The following TCF4 variants were observed in gnomAD, a reference collection of about 807,000 sequenced individuals.
TCF4 encodes the protein SL3-3 enhancer factor 2.
In TCF4, 3 loss-of-function variants were observed where a neutral mutation model predicts 82.1. That is an observed-to-expected ratio of 0.04 (90% CI 0.02 to 0.09). The LOEUF is 0.09. Among genes scored for constraint, TCF4 ranks in the 10% least tolerant of loss-of-function variants. The pLI, the probability that TCF4 is intolerant of heterozygous loss-of-function variation, is 1.00. For missense variants in TCF4, 518 were observed against 852.7 expected, an observed-to-expected ratio of 0.61 and a Z score of 4.89; for synonymous variants, 276 against 309.6, an observed-to-expected ratio of 0.89 and a Z score of 1.14.
intron 5 of TCF4, chr18:55,452,656 G>C (rs1280739819): frequency 6.6e-6 from 1 of 152,406 alleles, no homozygotes; most frequent in Non-Finnish European, 1.5e-5. Flanking sequence ...CCCTGGACAG[G>C]CTGGCAGAAA....
At chr18:55,589,360 A>T, upstream of TCF4, 1 of 1,053,876 alleles carries the variant, frequency 9.5e-7, no homozygotes. Flanking sequence ...GAGAGACAAA[A>T]ATCTTCTGCA....
chr18:55,268,382 C>T (rs2059639928), intron 11 of TCF4: 1 of 152,134 alleles, frequency 6.6e-6, no homozygotes, highest in Non-Finnish European at 1.5e-5. Flanking sequence ...TTCAGTTCTG[C>T]ACTGCTTTCT....
chr18:55,414,475 G>C (rs934408451), intron 5 of TCF4, among the ~76,000 whole-genome samples: 1 of 152,144 alleles, frequency 6.6e-6, no homozygotes. Context: ...AATCTAAACT[G>C]CCTTCTCTGT....
chr18:55,325,499 TACAC>T (rs1182672344), intron 8 of TCF4, among the ~76,000 whole-genome samples: 1 of 152,116 alleles, frequency 6.6e-6, no homozygotes, highest in African/African-American at 2.4e-5. Flanking sequence ...AATGAACATC[TACAC>T]ACACACAAAC....
At chr18:55,585,596 G>C (rs778694452) in intron 2 of TCF4, 14 of 600,288 alleles carry the variant, frequency 2.3e-5, no homozygotes, top group Non-Finnish European at 3.8e-5. Flanking sequence ...CAGTACTACT[G>C]CTACATTTGG....
intron 3 of TCF4, among the ~76,000 whole-genome samples, chr18:55,577,215 T>C (rs1426830978): frequency 1.4e-5 from 2 of 146,164 alleles, no homozygotes; most frequent in Non-Finnish European, 3.0e-5. Flanking sequence ...TTTATATAAA[T>C]GTATATATAC....
intron 6 of TCF4, among the ~76,000 whole-genome samples, chr18:55,393,286 C>T (rs533469195): frequency 1.3e-5 from 2 of 152,144 alleles, no homozygotes; most frequent in East Asian, 1.9e-4. Flanking sequence ...ATTGCTTGAG[C>T]CCAGGAGTTC....
At chr18:55,504,073 C>G (rs1270376110) in intron 3 of TCF4, among the ~76,000 whole-genome samples, 1 of 151,882 alleles carries the variant, frequency 6.6e-6, no homozygotes, top group Non-Finnish European at 1.5e-5. Flanking sequence ...AAAAAACAAA[C>G]AAAAAAAGGA....
At chr18:55,554,336 A>T (rs987451288) in intron 3 of TCF4, among the ~76,000 whole-genome samples, 1 of 152,074 alleles carries the variant, frequency 6.6e-6, no homozygotes, top group Admixed American at 6.6e-5. Flanking sequence ...AAAAAATTTA[A>T]TTTATTAATA....
chr18:55,492,837 A>C (rs1206923753), intron 3 of TCF4, among the ~76,000 whole-genome samples: 5 of 152,332 alleles, frequency 3.3e-5, no homozygotes, highest in African/African-American at 9.6e-5. Context: ...ATCTGGCTAA[A>C]GCCCAAAGTC....
At chr18:55,401,099 G>C in intron 6 of TCF4, 1 of 1,289,058 alleles carries the variant, frequency 7.8e-7, no homozygotes, top group South Asian at 1.2e-5. Context: ...TTGCATAGCT[G>C]ATGTTGTAGA....
intron 2 of TCF4, among the ~76,000 whole-genome samples, chr18:55,604,885 G>T (rs960160441): frequency 6.6e-6 from 1 of 152,168 alleles, no homozygotes; most frequent in Non-Finnish European, 1.5e-5. Context: ...AATCACTGAA[G>T]GCAGGCCATT....
At chr18:55,598,483 C>T (rs2097693510) in intron 2 of TCF4, among the ~76,000 whole-genome samples, 1 of 152,072 alleles carries the variant, frequency 6.6e-6, no homozygotes, top group African/African-American at 2.4e-5. Context: ...CCTTTTTTCA[C>T]AATGCATGGA....
chr18:55,509,922 T>C (rs1435901734), intron 3 of TCF4, among the ~76,000 whole-genome samples: 1 of 152,202 alleles, frequency 6.6e-6, no homozygotes, highest in Non-Finnish European at 1.5e-5. Flanking sequence ...GTTGAAATAA[T>C]AACTTTCTTT....
chr18:55,348,002 G>A (rs972618673), intron 8 of TCF4, among the ~76,000 whole-genome samples: 1 of 151,808 alleles, frequency 6.6e-6, no homozygotes, highest in African/African-American at 2.4e-5. Context: ...AATTTTATTT[G>A]AGCTTTAAAA....
intron 3 of TCF4, among the ~76,000 whole-genome samples, chr18:55,465,020 G>A (rs1417559549): frequency 6.6e-6 from 1 of 152,170 alleles, no homozygotes; most frequent in Non-Finnish European, 1.5e-5. Context: ...GTGTTTTAAA[G>A]ATCAGTTGCT....
chr18:55,431,426 C>T (rs1186682896), intron 5 of TCF4, among the ~76,000 whole-genome samples: 1 of 152,086 alleles, frequency 6.6e-6, no homozygotes, highest in Admixed American at 6.6e-5. Flanking sequence ...ATTACAGGCA[C>T]CTGCCACCAA....
intron 8 of TCF4, among the ~76,000 whole-genome samples, chr18:55,289,044 A>G (rs1363897626): frequency 6.6e-6 from 1 of 152,182 alleles, no homozygotes; most frequent in Non-Finnish European, 1.5e-5. Flanking sequence ...TATGTTTCCT[A>G]TTACTTTCAA....
chr18:55,263,775 C>T (rs1228579319), intron 11 of TCF4, among the ~76,000 whole-genome samples: 2 of 150,512 alleles, frequency 1.3e-5, no homozygotes, highest in African/African-American at 4.9e-5. Flanking sequence ...TTATTATATA[C>T]CTAAAAATTA....
Sources: allele counts gnomAD v4.1 joint callset (sites outside exome capture counted in the v4.1 genomes callset), GRCh38; gene constraint gnomAD v4.1.1; transcripts MANE v1.5; gene names NCBI Gene and HGNC (gene_info 2026-07-23, HGNC 2026-07-21).